ZNF423: variants seen among roughly 807,000 people sequenced by gnomAD.
ZNF423 encodes the protein Ebf-associated zinc finger protein.
A neutral mutation model predicts 95.8 loss-of-function variants in ZNF423; 12 were observed. The ratio of observed to expected loss-of-function variants is 0.13; its 90% CI spans 0.08 to 0.20. ZNF423 has a LOEUF of 0.20. Among genes scored for constraint, ZNF423 ranks in the 10% least tolerant of loss-of-function variants. The probability of loss-of-function intolerance (pLI) is 1.00; values close to 1 mark genes in which losing one functional copy is unlikely to be tolerated. For missense variants in ZNF423, 1,316 were observed against 1,737.1 expected, an observed-to-expected ratio of 0.76 and a Z score of 4.31; for synonymous variants, 749 against 711.9, an observed-to-expected ratio of 1.05 and a Z score of -0.83.
Position 49,488,683 on chromosome 16 carries a change from T to G in ZNF423, c.*2592A>C, listed in dbSNP as rs535138179. ...GAGACCCTCTAAGGCCCCTCACAGT[T>G]GAAAGGCAAGTGTCTCATCCCAGCT... On this transcript the variant is annotated 3_prime_UTR_variant, in exon 8 of 8. Coordinates refer to ENST00000563137, the MANE Select transcript of ZNF423 (RefSeq NM_001379286.1). 5.9e-5 allele frequency: 9 copies of G among 152,368 alleles called. No homozygotes were observed. Among genetic ancestry groups the G allele is most frequent in the African/African-American group, 1.9e-4 (8 of 41,542 alleles). The allele number at this position is 152,368 out of a possible 1,614,324, so 9.4% of individuals were successfully genotyped here. A position where few individuals can be genotyped will look rare whatever the true frequency, so the allele number is the denominator to read the frequency against.
chr16:49,660,122 G>C (rs567321356), intron 3 of ZNF423, among the ~76,000 whole-genome samples: 7 of 152,186 alleles, frequency 4.6e-5, no homozygotes, highest in Non-Finnish European at 7.3e-5. Context: ...ACTGCCTGGA[G>C]ACAATTCTGA....
At position 49,822,676 on chromosome 16, in the gene ZNF423, T is replaced by C. The variant is rs147713709; in HGVS notation, c.40+33059A>G. ...CAAGGCCTCCCCTGCTCACCCCTCT[T>C]CTTATGCATCCATGTCTTTCTTCTT... On this transcript the variant is annotated intron_variant, in intron 1 of 7. Coordinates refer to ENST00000563137, the MANE Select transcript of ZNF423 (RefSeq NM_001379286.1). 1.8e-4 allele frequency: 287 copies of C among 1,612,094 alleles called. No homozygotes were observed. The highest frequency in any genetic ancestry group is 2.4e-4 in the Non-Finnish European group (281 of 1,179,220).
intron 3 of ZNF423, among the ~76,000 whole-genome samples, chr16:49,668,992 T>A (rs900683825): frequency 9.2e-5 from 14 of 152,106 alleles, no homozygotes; most frequent in African/African-American, 3.4e-4. Flanking sequence ...GTGGTAACCC[T>A]TAGTAAGCAC....
In ZNF423 at chr16:49,735,524, C is replaced by T. The variant is rs570422044; in HGVS notation, c.101-4553G>A. On this transcript the variant is annotated intron_variant, in intron 2 of 7. Coordinates refer to ENST00000563137, the MANE Select transcript of ZNF423 (RefSeq NM_001379286.1). ...TGACTCCCTCATCATAACGAGGGAC[C>T]GAATTCTCCTCCACAGTCCCCCTCG... Among the ~76,000 whole-genome samples, 22 of 152,304 alleles carry T rather than the reference C, an allele frequency of 1.4e-4. No individual in the cohort carries two copies. In the South Asian group the frequency reaches 3.3e-3, roughly 23 times the overall value.
At chr16:49,737,011 C>T (rs888582434) in intron 2 of ZNF423, among the ~76,000 whole-genome samples, 5 of 152,186 alleles carry the variant, frequency 3.3e-5, no homozygotes, top group African/African-American at 1.2e-4. Context: ...GGCACAGCCT[C>T]CCCTACACCC....
At chr16:49,677,344 AG>A (rs1450615445) in intron 3 of ZNF423, among the ~76,000 whole-genome samples, 3 of 18,126 alleles carry the variant, frequency 1.7e-4, no homozygotes, top group Non-Finnish European at 2.7e-4. Context: ...AGGGGAGGGG[AG>A]GAGGGGAGGG....
intron 3 of ZNF423, among the ~76,000 whole-genome samples, chr16:49,690,934 T>C (rs1445440956): frequency 6.6e-6 from 1 of 152,134 alleles, no homozygotes; most frequent in Non-Finnish European, 1.5e-5. Flanking sequence ...AGCAACCTGT[T>C]TCACCAGCCG....
intron 1 of ZNF423, among the ~76,000 whole-genome samples, chr16:49,840,332 T>G (rs1376648535): frequency 6.6e-6 from 1 of 152,134 alleles, no homozygotes; most frequent in Non-Finnish European, 1.5e-5. Flanking sequence ...TTTTCTCTTT[T>G]TGGGGGGGTG....
At chr16:49,849,832 G>T (rs1205526546) in intron 1 of ZNF423, among the ~76,000 whole-genome samples, 1 of 152,228 alleles carries the variant, frequency 6.6e-6, no homozygotes, top group African/African-American at 2.4e-5. Context: ...TTTGCAAGTA[G>T]AACAACAGCA....
intron 5 of ZNF423, among the ~76,000 whole-genome samples, chr16:49,546,893 G>A (rs1258161986): frequency 1.3e-5 from 2 of 151,886 alleles, no homozygotes; most frequent in African/African-American, 4.8e-5. Flanking sequence ...ACTGGGGGAC[G>A]TCAATGCCTG....
At chr16:49,630,163 G>A (rs1201290060) in intron 4 of ZNF423, among the ~76,000 whole-genome samples, 4 of 152,176 alleles carry the variant, frequency 2.6e-5, no homozygotes, top group Non-Finnish European at 1.5e-5. Context: ...GAAAGACAGG[G>A]CTGGGGAGTC....
chr16:49,769,711 T>G (rs984255996), intron 2 of ZNF423, among the ~76,000 whole-genome samples: 2 of 151,286 alleles, frequency 1.3e-5, no homozygotes, highest in African/African-American at 4.9e-5. Flanking sequence ...GCTCCGTCTT[T>G]CCCCTCTCTC....
chr16:49,606,368 A>T (rs1971537326), intron 5 of ZNF423, among the ~76,000 whole-genome samples: 3 of 152,202 alleles, frequency 2.0e-5, no homozygotes, highest in African/African-American at 7.2e-5. Context: ...TGCCAAGCCC[A>T]TGGTTAGAAT....
intron 1 of ZNF423, among the ~76,000 whole-genome samples, chr16:49,831,088 C>T (rs535536283): frequency 3.9e-5 from 6 of 152,126 alleles, no homozygotes; most frequent in Non-Finnish European, 5.9e-5. Flanking sequence ...AATTTCACAA[C>T]CTCAGGGTGT....
chr16:49,815,325 G>C (rs1000675411), intron 1 of ZNF423, among the ~76,000 whole-genome samples: 1 of 152,090 alleles, frequency 6.6e-6, no homozygotes, highest in East Asian at 1.9e-4. Context: ...CAAAGATCTC[G>C]ATACGGGGTC....
intron 5 of ZNF423, among the ~76,000 whole-genome samples, chr16:49,563,666 C>T (rs1413833992): frequency 6.6e-6 from 1 of 152,208 alleles, no homozygotes; most frequent in Non-Finnish European, 1.5e-5. Context: ...ACGTCTTTGG[C>T]CTCTAGGCCT....
intron 5 of ZNF423, among the ~76,000 whole-genome samples, chr16:49,601,246 T>G (rs1436671500): frequency 1.3e-5 from 2 of 152,108 alleles, no homozygotes; most frequent in Non-Finnish European, 2.9e-5. Flanking sequence ...ACCACGCGGG[T>G]TCCCATCCTG....
intron 4 of ZNF423, among the ~76,000 whole-genome samples, chr16:49,633,861 C>T (rs1972588046): frequency 6.6e-6 from 1 of 152,112 alleles, no homozygotes; most frequent in Admixed American, 6.5e-5. Flanking sequence ...GGAGAGACTC[C>T]AGGCCCCAGC....
At chr16:49,639,535 G>T (rs1267798603) in intron 3 of ZNF423, among the ~76,000 whole-genome samples, 1 of 152,162 alleles carries the variant, frequency 6.6e-6, no homozygotes, top group Non-Finnish European at 1.5e-5. Context: ...GGAACCTAGG[G>T]CACTGAAGAG....
Sources: allele counts gnomAD v4.1 joint callset (sites outside exome capture counted in the v4.1 genomes callset), GRCh38; gene constraint gnomAD v4.1.1; transcripts MANE v1.5; gene names NCBI Gene and HGNC (gene_info 2026-07-23, HGNC 2026-07-21).